LGR6: variants seen among roughly 807,000 people sequenced by gnomAD.
LGR6 encodes the protein leucine rich repeat containing G protein-coupled receptor 6.
In LGR6, 45 loss-of-function variants were observed where a neutral mutation model predicts 69.4. That is an observed-to-expected ratio of 0.65 (90% CI 0.51 to 0.83). The LOEUF (loss-of-function observed/expected upper bound fraction) is 0.83. Among genes scored for constraint, LGR6 ranks in the 40% least tolerant of loss-of-function variants. The probability of loss-of-function intolerance (pLI) is 0.00; values close to 1 mark genes in which losing one functional copy is unlikely to be tolerated. For synonymous variants in LGR6, 538 were observed against 555.0 expected (o/e 0.97, Z 0.43); for missense variants, 1,108 against 1,246.7 (o/e 0.89, Z 1.68).
At chr1:202,300,758 G>C in intron 7 of LGR6, 91 bp from the exon 8 acceptor site, 1 of 840,224 alleles carries the variant, frequency 1.2e-6, no homozygotes, top group Non-Finnish European at 1.9e-6. Flanking sequence ...GGACTGTCTA[G>C]CTTGCTGTCC....
intron 1 of LGR6, chr1:202,214,352 A>C (rs1412203705): frequency 1.9e-6 from 2 of 1,071,864 alleles, no homozygotes; most frequent in Middle Eastern, 2.9e-4. Context: ...GGCCGGCCCT[A>C]ATCCCCTTCC....
chr1:202,258,922 G>A (rs1396648517), intron 4 of LGR6, among the ~76,000 whole-genome samples: 1 of 151,946 alleles, frequency 6.6e-6, no homozygotes, highest in Non-Finnish European at 1.5e-5. Flanking sequence ...GTCTGATACT[G>A]GATATCCTTT....
chr1:202,272,553 G>T (rs942280335), intron 4 of LGR6, among the ~76,000 whole-genome samples: 1 of 152,226 alleles, frequency 6.6e-6, no homozygotes, highest in Non-Finnish European at 1.5e-5. Context: ...CTCTCTGACA[G>T]AGCGGAAAGA....
chr1:202,219,136 A>G (rs12131882), intron 1 of LGR6, among the ~76,000 whole-genome samples: 54,801 of 152,088 alleles, frequency 0.36, 10,155 homozygotes, highest in Non-Finnish European at 0.41. Flanking sequence ...GTTGACAGAA[A>G]AATTCAGCAA....
chr1:202,291,346 CT>C (rs1241816245), intron 6 of LGR6, among the ~76,000 whole-genome samples: 1 of 152,154 alleles, frequency 6.6e-6, no homozygotes. Flanking sequence ...AGTTTTCCTG[CT>C]GAAGTTTAGG....
rs16849845 is a variant in LGR6, at chr1:202,267,622, G to T, written c.429-8684G>T. On this transcript the variant is annotated intron_variant, in intron 4 of 17. Transcript: ENST00000367278. ...CTGCATGCAAGATGGGAAGCATAAGGTTCCTACTCCACAGGGCTAGCATGA... is the reference window on the plus strand; with the variant it reads ...CTGCATGCAAGATGGGAAGCATAAGTTTCCTACTCCACAGGGCTAGCATGA... 4.2e-3 allele frequency among the ~76,000 whole-genome samples: 645 copies of T among 152,190 alleles called. 5 individuals carry two copies. Among genetic ancestry groups the T allele is most frequent in the African/African-American group, 0.013 (523 of 41,492 alleles).
At chr1:202,220,398 T>C (rs367839670) in intron 1 of LGR6, among the ~76,000 whole-genome samples, 2 of 151,318 alleles carry the variant, frequency 1.3e-5, no homozygotes, top group South Asian at 2.1e-4. Context: ...TTTGTATTTT[T>C]AGTAGAGACG....
At chr1:202,243,574 C>T (rs1662387520) in intron 4 of LGR6, among the ~76,000 whole-genome samples, 1 of 152,160 alleles carries the variant, frequency 6.6e-6, no homozygotes, top group Non-Finnish European at 1.5e-5. Flanking sequence ...ACAGACAGAC[C>T]TGCAGGGGAG....
At chr1:202,239,605 G>A (rs1558027631) in intron 4 of LGR6, among the ~76,000 whole-genome samples, 1 of 152,120 alleles carries the variant, frequency 6.6e-6, no homozygotes, top group African/African-American at 2.4e-5. Flanking sequence ...CTGAAGGTGG[G>A]GAAGTCAGTG....
At chr1:202,229,580 C>T (rs1277192447) in intron 3 of LGR6, among the ~76,000 whole-genome samples, 2 of 152,258 alleles carry the variant, frequency 1.3e-5, no homozygotes, top group Non-Finnish European at 2.9e-5. Context: ...TGAGCCTCCT[C>T]TTTCTTCTTT....
In LGR6 at chr1:202,254,914, A is replaced by G. The variant is rs142033374; in HGVS notation, c.428+18921A>G. Among the ~76,000 whole-genome samples, 1,252 of 141,974 alleles carry G rather than the reference A, an allele frequency of 8.8e-3. 22 individuals are homozygous for G. The highest frequency in any genetic ancestry group is 0.03 in the African/African-American group (1,171 of 39,578). The allele number at this position is 141,974 out of a possible 152,430, so 93.1% of individuals were successfully genotyped here. ...TCTGTCTCTACAAAAAAAAAAAAAA[A>G]AGGAAAGAGAAAAGAGTTGAAAAGA... On this transcript the variant is annotated intron_variant, in intron 4 of 17. Transcript: ENST00000367278.
chr1:202,194,628 T>G (rs1029188515), intron 1 of LGR6: 1 of 510,256 alleles, frequency 2.0e-6, no homozygotes, highest in African/African-American at 2.2e-5. Context: ...CCCAGTAGGG[T>G]GGAAATAATG....
intron 1 of LGR6, among the ~76,000 whole-genome samples, chr1:202,197,948 A>G (rs1337349880): frequency 6.6e-6 from 1 of 152,218 alleles, no homozygotes; most frequent in Non-Finnish European, 1.5e-5. Flanking sequence ...AGGCTCATGC[A>G]CTTGCAGTCA....
intron 1 of LGR6, 138 bp downstream of exon 1, chr1:202,194,339 A>T: frequency 1.7e-6 from 1 of 604,866 alleles, no homozygotes; most frequent in Non-Finnish European, 2.8e-6. Flanking sequence ...TTCCAAGTTG[A>T]CCGTTGCGGG....
At chr1:202,225,381 G>A (rs79974014) in intron 1 of LGR6, 42 bp from the exon 2 acceptor site, 12 of 1,283,118 alleles carry the variant, frequency 9.4e-6, no homozygotes, top group African/African-American at 1.6e-5. Context: ...GATGGCCCAA[G>A]TGGGGAGTTC....
intron 1 of LGR6, among the ~76,000 whole-genome samples, chr1:202,225,096 G>A (rs188966242): frequency 3.9e-5 from 6 of 152,244 alleles, no homozygotes; most frequent in Admixed American, 2.6e-4. Flanking sequence ...CTAGTTCCTC[G>A]CTTTATAGGG....
chr1:202,251,813 G>A (rs1196620677), intron 4 of LGR6, among the ~76,000 whole-genome samples: 1 of 152,188 alleles, frequency 6.6e-6, no homozygotes, highest in South Asian at 2.1e-4. Flanking sequence ...CATCTGGAGT[G>A]TGGGGGGCTG....
At chr1:202,203,689 AC>A in intron 1 of LGR6, 1 of 879,898 alleles carries the variant, frequency 1.1e-6, no homozygotes, top group Non-Finnish European at 1.8e-6. Flanking sequence ...TGAGAAATAC[AC>A]CCAGGCAGGG....
Position 202,270,533 on chromosome 1 carries a change from C to T in LGR6, c.429-5773C>T, listed in dbSNP as rs116546989. Among the ~76,000 whole-genome samples, 1,098 of 152,276 alleles carry T rather than the reference C, an allele frequency of 7.2e-3. 12 individuals carry two copies. The highest frequency in any genetic ancestry group is 0.026 in the African/African-American group (1,061 of 41,554). The stretch of plus-strand genomic sequence containing the variant: ...CTGGGATTACAGGCGTGAGCCACCA[C>T]ACCCTGCGAAGCTCTGAGTTTGAGT... On this transcript the variant is annotated intron_variant, in intron 4 of 17. Transcript: ENST00000367278.
Sources: gnomAD v4.1 joint callset for allele counts (sites outside exome capture counted in the v4.1 genomes callset) on GRCh38, gnomAD v4.1.1 for gene constraint, MANE v1.5 for transcripts, NCBI Gene and HGNC (gene_info 2026-07-23, HGNC 2026-07-21) for gene names.